Variants in BLTP3B observed in about 807,000 individuals in gnomAD.
BLTP3B encodes bridge-like lipid transfer protein family member 3B.
the BLTP3B span, among the ~76,000 whole-genome samples, chr12:100,081,535 G>A: frequency 0.015 from 2,237 of 152,222 alleles, 57 homozygotes; most frequent in African/African-American, 0.051. Flanking sequence ...CATAGTACCC[G>A]TTAAGTAGTT....
chr12:100,138,736 A>T, the BLTP3B span, among the ~76,000 whole-genome samples: 1 of 152,236 alleles, frequency 6.6e-6, no homozygotes, highest in Non-Finnish European at 1.5e-5. Context: ...AAGGGAGCGA[A>T]GGAGAAGAGA....
chr12:100,142,562 ACTGGCGCCGACACCGAGGCGC>A, the BLTP3B span: 3 of 1,603,560 alleles, frequency 1.9e-6, no homozygotes, highest in Non-Finnish European at 2.6e-6. Flanking sequence ...GTGGAGGCCG[ACTGGCGCCGACACCGAGGCGC>A]TCACTGACCT....
At chr12:100,103,989 A>G in the BLTP3B span, 134 of 1,513,766 alleles carry the variant, frequency 8.9e-5, no homozygotes, top group Middle Eastern at 1.7e-4. Flanking sequence ...ATCAATCATT[A>G]AGAAGAAAAT....
At chr12:100,080,014 T>C in the BLTP3B span, among the ~76,000 whole-genome samples, 2 of 152,216 alleles carry the variant, frequency 1.3e-5, no homozygotes, top group East Asian at 3.9e-4. Flanking sequence ...TCCGCCTAGA[T>C]TTCAGTGGAT....
At chr12:100,112,109 T>C in the BLTP3B span, among the ~76,000 whole-genome samples, 3,947 of 152,218 alleles carry the variant, frequency 0.026, 59 homozygotes, top group South Asian at 0.082. Flanking sequence ...ACCACTTTTA[T>C]AAAGACAAAA....
chr12:100,126,590 TCTA>T, the BLTP3B span, among the ~76,000 whole-genome samples: 5 of 152,072 alleles, frequency 3.3e-5, no homozygotes, highest in Non-Finnish European at 5.9e-5. Flanking sequence ...GCACAAAAAT[TCTA>T]CTGTTATAAA....
the BLTP3B span, among the ~76,000 whole-genome samples, chr12:100,093,952 C>T: frequency 2.6e-5 from 4 of 152,150 alleles, no homozygotes; most frequent in Non-Finnish European, 5.9e-5. Context: ...TGAACTGCTA[C>T]TCATTTCTAA....
At chr12:100,045,808 A>G in the BLTP3B span, among the ~76,000 whole-genome samples, 2 of 152,216 alleles carry the variant, frequency 1.3e-5, no homozygotes, top group African/African-American at 4.8e-5. Flanking sequence ...AGAATGGGAG[A>G]AAATTTTTGC....
At chr12:100,056,800 G>A in the BLTP3B span, among the ~76,000 whole-genome samples, 1 of 150,662 alleles carries the variant, frequency 6.6e-6, no homozygotes, top group South Asian at 2.1e-4. Flanking sequence ...TCACAATACT[G>A]CACTCCAGCC....
At chr12:100,091,728 C>T in the BLTP3B span, among the ~76,000 whole-genome samples, 1 of 151,348 alleles carries the variant, frequency 6.6e-6, no homozygotes, top group Non-Finnish European at 1.5e-5. Context: ...TGGTCTTGAT[C>T]TCCTGACCTC....
the BLTP3B span, among the ~76,000 whole-genome samples, chr12:100,102,402 G>A: frequency 3.3e-5 from 5 of 151,944 alleles, no homozygotes; most frequent in Non-Finnish European, 5.9e-5. Flanking sequence ...ATGAGCCACC[G>A]CTCCCAGCCT....
At chr12:100,130,873 G>A in the BLTP3B span, among the ~76,000 whole-genome samples, 1 of 151,758 alleles carries the variant, frequency 6.6e-6, no homozygotes, top group South Asian at 2.1e-4. Context: ...GCAGTGAGCT[G>A]AGATCGCTCC....
At chr12:100,101,292 G>A in the BLTP3B span, among the ~76,000 whole-genome samples, 25 of 152,174 alleles carry the variant, frequency 1.6e-4, no homozygotes, top group Non-Finnish European at 3.4e-4. Context: ...ATCACCATTA[G>A]ATTCCCATGG....
At chr12:100,078,424 T>C in the BLTP3B span, among the ~76,000 whole-genome samples, 5 of 152,076 alleles carry the variant, frequency 3.3e-5, no homozygotes, top group Non-Finnish European at 7.4e-5. Flanking sequence ...AATTATCCAG[T>C]CTCAGGTACT....
At chr12:100,079,805 G>T in the BLTP3B span, among the ~76,000 whole-genome samples, 1 of 152,194 alleles carries the variant, frequency 6.6e-6, no homozygotes, top group African/African-American at 2.4e-5. Context: ...GTGGTTTCAT[G>T]GGCCAGGCCC....
the BLTP3B span, among the ~76,000 whole-genome samples, chr12:100,077,859 G>C: frequency 1.3e-5 from 2 of 152,120 alleles, no homozygotes; most frequent in African/African-American, 4.8e-5. Context: ...AGTATAAATA[G>C]GACAGAGTTC....
chr12:100,040,895 A>C, the BLTP3B span, among the ~76,000 whole-genome samples: 1 of 152,322 alleles, frequency 6.6e-6, no homozygotes, highest in Middle Eastern at 3.4e-3. Context: ...CAAACATTTA[A>C]AGAATAATAT....
chr12:100,039,666 C>T, the BLTP3B span: 1 of 1,614,086 alleles, frequency 6.2e-7, no homozygotes, highest in Non-Finnish European at 8.5e-7. Flanking sequence ...AACCCCTGGG[C>T]TTGTCTGAGT....
At chr12:100,047,797 T>C in the BLTP3B span, 2 of 1,127,498 alleles carry the variant, frequency 1.8e-6, no homozygotes, top group African/African-American at 1.6e-5. Context: ...CCAAAAAAGA[T>C]CTCTACATCA....
Sources: allele counts gnomAD v4.1 joint callset (sites outside exome capture counted in the v4.1 genomes callset), GRCh38; gene constraint gnomAD v4.1.1; transcripts MANE v1.5; gene names NCBI Gene and HGNC (gene_info 2026-07-23, HGNC 2026-07-21).